The following ALX4 variants were observed in gnomAD, a reference collection of about 807,000 sequenced individuals.
ALX4 encodes the protein homeobox protein aristaless-like 4.
Under a neutral mutation model 40.6 loss-of-function variants are expected in ALX4, and 22 were observed. That is an observed-to-expected ratio of 0.54 (90% CI 0.39 to 0.77). The LOEUF is 0.77. Among genes scored for constraint, ALX4 ranks in the 30% least tolerant of loss-of-function variants. The pLI is 0.00. For synonymous variants in ALX4, 266 were observed against 240.5 expected (o/e 1.11, Z -0.98); for missense variants, 556 against 564.8 (o/e 0.98, Z 0.16).
intron 2 of ALX4, among the ~76,000 whole-genome samples, chr11:44,271,668 A>G (rs753102464): frequency 2.6e-5 from 4 of 152,128 alleles, no homozygotes; most frequent in Non-Finnish European, 5.9e-5. Flanking sequence ...ATTGTAAGCT[A>G]CCTCAACTCC....
intron 1 of ALX4, among the ~76,000 whole-genome samples, chr11:44,299,837 C>T (rs956833632): frequency 6.6e-6 from 1 of 152,224 alleles, no homozygotes; most frequent in Non-Finnish European, 1.5e-5. Context: ...GGACGAGTTA[C>T]TTATCTTCCA....
intron 1 of ALX4, among the ~76,000 whole-genome samples, chr11:44,286,445 T>A (rs930789444): frequency 1.3e-5 from 2 of 151,930 alleles, no homozygotes; most frequent in African/African-American, 4.8e-5. Flanking sequence ...AGGGCCCAAC[T>A]CCCAGCAGGC....
chr11:44,280,480 C>A (rs1315154022), intron 1 of ALX4, among the ~76,000 whole-genome samples: 3 of 152,352 alleles, frequency 2.0e-5, no homozygotes, highest in African/African-American at 7.2e-5. Context: ...CCAGGCCACC[C>A]GCCAGGGGTT....
At chr11:44,304,752 G>A (rs887190929) in intron 1 of ALX4, among the ~76,000 whole-genome samples, 1 of 152,266 alleles carries the variant, frequency 6.6e-6, no homozygotes, top group Non-Finnish European at 1.5e-5. Context: ...GAGAAGAAGG[G>A]ACGTCCCGGA....
Position 44,265,016 on chromosome 11 carries a change from G to A in ALX4, c.1074C>T (p.His358=), listed in dbSNP as rs3802805. 0.35 allele frequency: 558,561 copies of A among 1,612,836 alleles called. 101,373 individuals carry two copies. The highest frequency in any genetic ancestry group is 0.53 in the Admixed American group (31,862 of 60,006). ...DFLSVSGAGS[H]VGQTHMGSLF... is the part of the protein sequence containing the mutation. ...GGCTGCCCATGTGCGTCTGGCCCAC[G>A]TGACTGCCAGCCCCAGACACACTCA... The change falls in exon 4 of 4, where the codon CAC becomes CAT. Residue 358 remains histidine, a synonymous_variant. Transcript: ENST00000652299.
intron 2 of ALX4, among the ~76,000 whole-genome samples, chr11:44,272,376 C>G (rs1015856310): frequency 6.6e-6 from 1 of 151,920 alleles, no homozygotes; most frequent in African/African-American, 2.4e-5. Context: ...TGGTGGTGCA[C>G]ACCTGTAATC....
chr11:44,295,126 C>T (rs139284364), intron 1 of ALX4, among the ~76,000 whole-genome samples: 1,780 of 152,306 alleles, frequency 0.012, 23 homozygotes, highest in South Asian at 0.027. Context: ...GCTGGGATTA[C>T]AGATGTGAGC....
In ALX4 at chr11:44,264,910, C is replaced by T. The variant is rs369740288; in HGVS notation, c.1180G>A (p.Ala394Thr). Residue 394 changes from alanine to threonine, a missense_variant, in exon 4 of 4, where the codon GCG becomes ACG. By Grantham distance (58) the Ala-to-Thr change is moderately conservative. Coordinates refer to ENST00000652299, the MANE Select transcript of ALX4 (RefSeq NM_021926.4). The stretch of plus-strand genomic sequence containing the variant: ...TCCTTGGCCTTCATGCGGAGGGCCG[C>T]GATGCTCGAGGTCTTGCGGTCCGGC... ...GEPDRKTSSI[A>T]ALRMKAKEHS... is the part of the protein sequence containing the mutation. 230 of 1,612,892 alleles carry T rather than the reference C, an allele frequency of 1.4e-4. No homozygotes were observed. The highest frequency in any genetic ancestry group is 1.8e-4 in the Non-Finnish European group (217 of 1,179,924).
intron 1 of ALX4, among the ~76,000 whole-genome samples, chr11:44,277,336 C>T (rs902814255): frequency 2.0e-5 from 3 of 152,206 alleles, no homozygotes; most frequent in East Asian, 3.9e-4. Context: ...TAGGGAAGGG[C>T]AGCCAACTGG....
At chr11:44,307,543 C>T (rs1956476391) in intron 1 of ALX4, among the ~76,000 whole-genome samples, 1 of 152,232 alleles carries the variant, frequency 6.6e-6, no homozygotes, top group African/African-American at 2.4e-5. Flanking sequence ...AATGTATCAG[C>T]CTCTTCAGAG....
At chr11:44,281,536 TTC>T (rs1363437257) in intron 1 of ALX4, among the ~76,000 whole-genome samples, 1 of 152,068 alleles carries the variant, frequency 6.6e-6, no homozygotes, top group African/African-American at 2.4e-5. Flanking sequence ...GCTTGCTCTG[TTC>T]TCGGGTGAGC....
At chr11:44,284,716 G>A (rs1036008161) in intron 1 of ALX4, among the ~76,000 whole-genome samples, 3 of 151,998 alleles carry the variant, frequency 2.0e-5, no homozygotes, top group Admixed American at 6.5e-5. Context: ...TCAGGCTTCC[G>A]CACTCCTGCG....
rs1956489390 is a variant in ALX4, at chr11:44,309,195, C to CCCGCAGCCCCGCAGCCCCGCAGCG, written c.466+401_466+402insCGCTGCGGGGCTGCGGGGCTGCGG. ...CCCCGCAGCCTCGCAGCCCCGCAGC[C>CCCGCAGCCCCGCAGCCCCGCAGCG]CCGCAGCCCCGCAGCCCCGCAGCCC... On this transcript the variant is annotated intron_variant, in intron 1 of 3. Transcript: ENST00000652299. Among the ~76,000 whole-genome samples, 4 of 148,678 alleles carry CCCGCAGCCCCGCAGCCCCGCAGCG rather than the reference C, an allele frequency of 2.7e-5. No individual in the cohort carries two copies. In the East Asian group the frequency reaches 7.8e-4, roughly 29 times the overall value.
rs11037927 is a variant in ALX4, at chr11:44,275,278, C to T, written c.777+70G>A. On this transcript the variant is annotated intron_variant, in intron 2 of 3. Transcript: ENST00000652299. ...GTGGTTGGTGGGCAGTCAGGAGACC[C>T]CAACTGCAGCCAAGAGCCCAGGGAC... The T allele has an allele frequency of 0.49, 756,998 of 1,548,156 alleles. 189,355 individuals are homozygous for T. The highest frequency in any genetic ancestry group is 0.59 in the Admixed American group (35,366 of 59,450).
chr11:44,287,696 G>A (rs1240378326), intron 1 of ALX4, among the ~76,000 whole-genome samples: 3 of 152,138 alleles, frequency 2.0e-5, no homozygotes, highest in Admixed American at 6.5e-5. Context: ...GGCCCTCCTG[G>A]GGTGGATGCT....
At chr11:44,305,944 G>C (rs957452326) in intron 1 of ALX4, among the ~76,000 whole-genome samples, 4 of 152,240 alleles carry the variant, frequency 2.6e-5, no homozygotes, top group African/African-American at 9.6e-5. Flanking sequence ...CAGCTCCGGC[G>C]GTCGGATCCG....
chr11:44,275,744 G>A, intron 1 of ALX4, 86 bp from the exon 2 acceptor site: 1 of 1,335,212 alleles, frequency 7.5e-7, no homozygotes. Flanking sequence ...GGGCACTCGG[G>A]TAGCCACCCC....
In ALX4 at chr11:44,309,867, A is replaced by G; in HGVS notation, c.196T>C (p.Tyr66His). 2 of 1,568,254 alleles carry G rather than the reference A, an allele frequency of 1.3e-6. No individual in the cohort carries two copies. The highest frequency in any genetic ancestry group is 1.4e-5 in the African/African-American group (1 of 73,844). Residue 66 changes from tyrosine (Y) to histidine (H), a missense_variant, in exon 1 of 4, where the codon TAC becomes CAC. By Grantham distance (83) the Tyr-to-His change is moderately conservative (BLOSUM62 2). Transcript: ENST00000652299. ...GFGDAKSRARYGAGQQDLATP... is the reference protein window; with the variant it reads ...GFGDAKSRARHGAGQQDLATP... Reference sequence around the variant, plus strand: ...GCCAGGTCCTGCTGCCCAGCGCCGTAACGGGCCCGGCTCTTGGCGTCCCCG... The same window carrying G: ...GCCAGGTCCTGCTGCCCAGCGCCGTGACGGGCCCGGCTCTTGGCGTCCCCG...
intron 2 of ALX4, 45 bp downstream of exon 2, chr11:44,275,303 C>A (rs754154108): frequency 5.6e-6 from 9 of 1,599,696 alleles, no homozygotes; most frequent in Non-Finnish European, 7.7e-6. Context: ...AGCCCAGGGA[C>A]AGGCTCTGCT....
Sources: gnomAD v4.1 joint callset for allele counts (sites outside exome capture counted in the v4.1 genomes callset) on GRCh38, gnomAD v4.1.1 for gene constraint, MANE v1.5 for transcripts, NCBI Gene and HGNC (gene_info 2026-07-23, HGNC 2026-07-21) for gene names.